Variants in EXOC4 observed in about 807,000 individuals in gnomAD.
The protein encoded by EXOC4 is exocyst complex component 4.
EXOC4 carries 71 observed loss-of-function variants against 107.2 expected under a neutral mutation model. The observed-to-expected ratio is 0.66, with a 90% CI of 0.55 to 0.81. The LOEUF is 0.81. Among genes scored for constraint, EXOC4 ranks in the 30% least tolerant of loss-of-function variants. The pLI, the probability that EXOC4 is intolerant of heterozygous loss-of-function variation, is 0.00. For synonymous variants in EXOC4, 456 were observed against 441.2 expected, an observed-to-expected ratio of 1.03 and a Z score of -0.42; for missense variants, 1,108 against 1,189.6, an observed-to-expected ratio of 0.93 and a Z score of 1.01.
chr7:133,808,733 G>T (rs982612217), intron 10 of EXOC4, among the ~76,000 whole-genome samples: 2 of 152,158 alleles, frequency 1.3e-5, no homozygotes, highest in East Asian at 3.9e-4. Context: ...GCCCATGTCT[G>T]GGGGTGGATT....
intron 11 of EXOC4, among the ~76,000 whole-genome samples, chr7:133,879,642 G>A (rs1188582540): frequency 6.6e-6 from 1 of 152,058 alleles, no homozygotes; most frequent in Non-Finnish European, 1.5e-5. Context: ...GTAATTACCT[G>A]TAATAATTTA....
At chr7:133,378,915 T>C (rs545419357) in intron 7 of EXOC4, among the ~76,000 whole-genome samples, 25 of 152,178 alleles carry the variant, frequency 1.6e-4, no homozygotes, top group South Asian at 1.2e-3. Context: ...GATACTCCAG[T>C]TGAAAGACAG....
intron 7 of EXOC4, among the ~76,000 whole-genome samples, chr7:133,382,587 T>A (rs1439640870): frequency 6.6e-6 from 1 of 152,128 alleles, no homozygotes; most frequent in Non-Finnish European, 1.5e-5. Context: ...GAGAACAAAA[T>A]AATTCAACAG....
intron 10 of EXOC4, among the ~76,000 whole-genome samples, chr7:133,780,853 A>G (rs1796451012): frequency 6.6e-6 from 1 of 152,212 alleles, no homozygotes; most frequent in African/African-American, 2.4e-5. Flanking sequence ...CACCCCTGTT[A>G]GCATGTTGGT....
rs182487976 is a variant in EXOC4 at position 133,966,168 on chromosome 7, T to G, written c.2206+28099T>G. 3.1e-4 allele frequency among the ~76,000 whole-genome samples: 47 copies of G among 152,388 alleles called. No homozygotes were observed. In the East Asian group the frequency reaches 5.0e-3, roughly 16 times the overall value. ...AGGAATGCTTGTGATTTTTGCACAT[T>G]GATTTTTGTATCCTGAGACTTTGCT... On this transcript the variant is annotated intron_variant, in intron 14 of 17. Transcript: ENST00000253861.
chr7:133,349,430 G>A (rs888757755), intron 5 of EXOC4, among the ~76,000 whole-genome samples: 1 of 152,138 alleles, frequency 6.6e-6, no homozygotes, highest in Non-Finnish European at 1.5e-5. Flanking sequence ...TTTTGACTGA[G>A]TTATTTCATT....
At chr7:133,481,085 T>G (rs1479304739) in intron 9 of EXOC4, 2 of 149,370 alleles carry the variant, frequency 1.3e-5, no homozygotes, top group Non-Finnish European at 3.0e-5. Context: ...AAAACCACAT[T>G]GGTGAGGGCC....
At chr7:133,344,745 G>C (rs28609155) in intron 5 of EXOC4, among the ~76,000 whole-genome samples, 3,228 of 152,096 alleles carry the variant, frequency 0.021, 119 homozygotes, top group African/African-American at 0.073. Context: ...TTAGTATTTT[G>C]AAACTTAGGG....
intron 14 of EXOC4, among the ~76,000 whole-genome samples, chr7:133,984,153 C>G (rs888137916): frequency 1.1e-4 from 17 of 152,206 alleles, no homozygotes; most frequent in African/African-American, 4.1e-4. Flanking sequence ...CTAGGGCTTG[C>G]TCAGACTTGT....
intron 9 of EXOC4, among the ~76,000 whole-genome samples, chr7:133,525,698 G>C (rs1800065825): frequency 6.6e-6 from 1 of 152,110 alleles, no homozygotes; most frequent in Admixed American, 6.5e-5. Flanking sequence ...TAATTTCAAA[G>C]TAGTTATGAG....
intron 1 of EXOC4, among the ~76,000 whole-genome samples, chr7:133,259,640 A>G (rs2150503693): frequency 6.6e-6 from 1 of 152,336 alleles, no homozygotes; most frequent in East Asian, 1.9e-4. Flanking sequence ...AAATAATTCA[A>G]ACAGTGAAAA....
intron 10 of EXOC4, among the ~76,000 whole-genome samples, chr7:133,755,262 TATTATATATATTATATATATTATATAC>T (rs1562984159): frequency 0.088 from 10,005 of 113,832 alleles, 498 homozygotes; most frequent in African/African-American, 0.13. Context: ...ATTATATATA[TATTATATATATTATATATATTATATAC>T]ATATTATATA....
intron 11 of EXOC4, among the ~76,000 whole-genome samples, chr7:133,818,943 G>T (rs553916250): frequency 6.6e-6 from 1 of 152,092 alleles, no homozygotes; most frequent in African/African-American, 2.4e-5. Flanking sequence ...ATCAGGTTCT[G>T]CCGATAGGCA....
intron 7 of EXOC4, among the ~76,000 whole-genome samples, chr7:133,421,454 G>T (rs988062701): frequency 1.3e-5 from 2 of 152,166 alleles, no homozygotes; most frequent in Non-Finnish European, 2.9e-5. Flanking sequence ...CAAGGAAATT[G>T]TGGTACAGCT....
At chr7:133,565,366 A>G (rs959620535) in intron 9 of EXOC4, among the ~76,000 whole-genome samples, 1 of 152,148 alleles carries the variant, frequency 6.6e-6, no homozygotes, top group Admixed American at 6.5e-5. Flanking sequence ...CATAAGTAAC[A>G]CGTAAAATAC....
chr7:133,989,579 G>T (rs1274043768), intron 14 of EXOC4, among the ~76,000 whole-genome samples: 1 of 152,156 alleles, frequency 6.6e-6, no homozygotes, highest in Non-Finnish European at 1.5e-5. Context: ...GCCAAAAGAA[G>T]ATGATTTCAA....
chr7:133,483,509 C>T (rs1345328391), intron 9 of EXOC4, among the ~76,000 whole-genome samples: 1 of 152,084 alleles, frequency 6.6e-6, no homozygotes, highest in African/African-American at 2.4e-5. Context: ...AGGAATTTTC[C>T]CATCCTTCAA....
chr7:133,646,826 C>T (rs1347071607), intron 10 of EXOC4, among the ~76,000 whole-genome samples: 1 of 152,048 alleles, frequency 6.6e-6, no homozygotes, highest in South Asian at 2.1e-4. Flanking sequence ...TCAGGAAACC[C>T]CTCTATAATT....
intron 7 of EXOC4, among the ~76,000 whole-genome samples, chr7:133,442,448 G>A (rs1798125509): frequency 6.6e-6 from 1 of 152,108 alleles, no homozygotes; most frequent in Admixed American, 6.5e-5. Context: ...ACTTCAGAGA[G>A]CCCCCAAGAG....
Sources: allele counts gnomAD v4.1 joint callset (sites outside exome capture counted in the v4.1 genomes callset), GRCh38; gene constraint gnomAD v4.1.1; transcripts MANE v1.5; gene names NCBI Gene and HGNC (gene_info 2026-07-23, HGNC 2026-07-21).